TACR3: variants seen among roughly 807,000 people sequenced by gnomAD.
The protein encoded by TACR3 is tachykinin receptor 3, also known as neuromedin-K receptor.
Under a neutral mutation model 35.0 loss-of-function variants are expected in TACR3, and 34 were observed. The observed-to-expected ratio is 0.97, with a 90% CI of 0.74 to 1.30. The LOEUF is 1.30. TACR3 is among the 50% of genes most tolerant of loss of function. The pLI is 0.00. For missense variants in TACR3, 558 were observed against 591.7 expected, an observed-to-expected ratio of 0.94 and a Z score of 0.59; for synonymous variants, 233 against 221.1, an observed-to-expected ratio of 1.05 and a Z score of -0.48.
chr4:103,686,016 A>G (rs531618573), intron 1 of TACR3, among the ~76,000 whole-genome samples: 73 of 152,296 alleles, frequency 4.8e-4, no homozygotes, highest in Admixed American at 1.7e-3. Context: ...ATCTCATCTC[A>G]GTTGTTAAAA....
chr4:103,644,479 TGAGA>T (rs1725419523), intron 3 of TACR3, among the ~76,000 whole-genome samples: 1 of 151,816 alleles, frequency 6.6e-6, no homozygotes, highest in African/African-American at 2.4e-5. Flanking sequence ...CAGAATGATA[TGAGA>T]TAGATACAGT....
intron 1 of TACR3, among the ~76,000 whole-genome samples, chr4:103,674,690 T>G (rs115858082): frequency 1.7e-3 from 263 of 152,312 alleles, no homozygotes; most frequent in African/African-American, 5.8e-3. Context: ...TAGCTGAGAC[T>G]GCAGGCGCAC....
At chr4:103,614,981 G>A (rs1230041383) in intron 3 of TACR3, among the ~76,000 whole-genome samples, 3 of 129,476 alleles carry the variant, frequency 2.3e-5, no homozygotes, top group South Asian at 2.7e-4. Flanking sequence ...TGCAAGCTCC[G>A]CCTCCCAGGT....
At chr4:103,593,581 T>C (rs759553947) in intron 3 of TACR3, 8 of 152,168 alleles carry the variant, frequency 5.3e-5, no homozygotes, top group Non-Finnish European at 1.0e-4. Context: ...GATGTTTTCA[T>C]TGTTGAATTT....
intron 3 of TACR3, among the ~76,000 whole-genome samples, chr4:103,655,562 TATA>T (rs1354343746): frequency 6.6e-6 from 1 of 152,036 alleles, no homozygotes; most frequent in Non-Finnish European, 1.5e-5. Context: ...CCTAGTAAAA[TATA>T]ATATTTTAGA....
chr4:103,655,925 T>A (rs1420357050), intron 3 of TACR3, among the ~76,000 whole-genome samples: 4 of 152,032 alleles, frequency 2.6e-5, no homozygotes, highest in African/African-American at 9.7e-5. Flanking sequence ...ATTTTAGCAA[T>A]TTCAGCAGAG....
At chr4:103,606,675 T>A (rs939485311) in intron 3 of TACR3, among the ~76,000 whole-genome samples, 1 of 152,102 alleles carries the variant, frequency 6.6e-6, no homozygotes, top group Admixed American at 6.6e-5. Context: ...TGATTTTGTA[T>A]CCTGAGACTT....
intron 1 of TACR3, among the ~76,000 whole-genome samples, chr4:103,699,082 C>A (rs563939039): frequency 6.6e-6 from 1 of 152,130 alleles, no homozygotes; most frequent in Non-Finnish European, 1.5e-5. Flanking sequence ...AGTTGATACA[C>A]AAGTCAAACC....
At chr4:103,636,360 C>T (rs1319796785) in intron 3 of TACR3, among the ~76,000 whole-genome samples, 1 of 142,562 alleles carries the variant, frequency 7.0e-6, no homozygotes, top group Non-Finnish European at 1.5e-5. Flanking sequence ...GTCCCAGCTT[C>T]ATGAGTTTTT....
intron 3 of TACR3, among the ~76,000 whole-genome samples, chr4:103,627,340 CTG>C (rs1560812682): frequency 1.7e-5 from 2 of 120,442 alleles, no homozygotes; most frequent in Non-Finnish European, 3.4e-5. Context: ...CATGGTGAAA[CTG>C]TGTTTCCATT....
intron 3 of TACR3, among the ~76,000 whole-genome samples, chr4:103,646,186 T>TAGA (rs1725451533): frequency 1.3e-5 from 2 of 152,142 alleles, no homozygotes; most frequent in South Asian, 4.1e-4. Context: ...ATAATTCTCT[T>TAGA]TATCAACACA....
At position 103,589,998 on chromosome 4, in the gene TACR3, A is replaced by AG; in HGVS notation, c.1086-5dup. ...TCTCTTGAAGCCAGCTCGAAATCTG[A>AG]GGAAAAGCAGGCCACAGAAAGAAAA... On this transcript the variant is annotated splice_region_variant and splice_polypyrimidine_tract_variant and intron_variant, in intron 4 of 4. Coordinates refer to ENST00000304883, the MANE Select transcript of TACR3 (RefSeq NM_001059.3). 1 of 1,613,060 alleles carries AG rather than the reference A, an allele frequency of 6.2e-7. No individual in the cohort carries two copies. Among genetic ancestry groups the AG allele is most frequent in the Non-Finnish European group, 8.5e-7 (1 of 1,179,430 alleles).
At chr4:103,603,800 G>A (rs775324391) in intron 3 of TACR3, among the ~76,000 whole-genome samples, 1 of 152,172 alleles carries the variant, frequency 6.6e-6, no homozygotes, top group Non-Finnish European at 1.5e-5. Flanking sequence ...CAGTGTGAAA[G>A]CATTCCTATT....
Position 103,627,693 on chromosome 4 carries a change from T to C in TACR3, c.888+28501A>G, listed in dbSNP as rs144651197. ...GACTTAGACTGCCACACAATAATAA[T>C]GGGAAACTTTAACACCCCACTGTCA... On this transcript the variant is annotated intron_variant, in intron 3 of 4. Transcript: ENST00000304883. 6.6e-3 allele frequency among the ~76,000 whole-genome samples: 1,008 copies of C among 152,062 alleles called. 9 individuals are homozygous for C. The highest frequency in any genetic ancestry group is 0.023 in the African/African-American group (940 of 41,488).
chr4:103,674,936 A>G (rs1726136186), intron 1 of TACR3, among the ~76,000 whole-genome samples: 1 of 152,244 alleles, frequency 6.6e-6, no homozygotes, highest in Admixed American at 6.5e-5. Flanking sequence ...CTGTGAAAAT[A>G]GATGTAAATT....
intron 1 of TACR3, among the ~76,000 whole-genome samples, chr4:103,709,404 C>T (rs1425901022): frequency 6.6e-6 from 1 of 152,248 alleles, no homozygotes; most frequent in Admixed American, 6.5e-5. Context: ...TCCAGCCAAA[C>T]TAAGCTTCAT....
chr4:103,599,296 A>G (rs1328540796), intron 3 of TACR3, among the ~76,000 whole-genome samples: 4 of 152,296 alleles, frequency 2.6e-5, no homozygotes, highest in African/African-American at 9.6e-5. Context: ...GTTTTTGTAC[A>G]TTGATTTTGT....
chr4:103,615,557 C>T (rs2110300182), intron 3 of TACR3, among the ~76,000 whole-genome samples: 1 of 151,970 alleles, frequency 6.6e-6, no homozygotes, highest in East Asian at 1.9e-4. Flanking sequence ...CATATTTCCA[C>T]AAAATAACAA....
intron 3 of TACR3, among the ~76,000 whole-genome samples, chr4:103,605,671 G>C (rs938484801): frequency 6.6e-5 from 10 of 151,930 alleles, no homozygotes; most frequent in African/African-American, 2.2e-4. Context: ...TTTTCGATGG[G>C]GTTGTTTTTT....
Sources: allele counts gnomAD v4.1 joint callset (sites outside exome capture counted in the v4.1 genomes callset), GRCh38; gene constraint gnomAD v4.1.1; transcripts MANE v1.5; gene names NCBI Gene and HGNC (gene_info 2026-07-23, HGNC 2026-07-21).